Variants in CALN1 observed in about 807,000 individuals in gnomAD.
The protein encoded by CALN1 is calcium-binding protein 8.
A neutral mutation model predicts 30.6 loss-of-function variants in CALN1; 17 were observed. That is an observed-to-expected ratio of 0.56 (90% CI 0.38 to 0.83). CALN1 has a LOEUF of 0.83. CALN1 is among the 40% of genes least tolerant of loss of function. The pLI, the probability that CALN1 is intolerant of heterozygous loss-of-function variation, is 0.00. For missense variants in CALN1, 291 were observed against 354.9 expected (o/e 0.82, Z 1.45); for synonymous variants, 156 against 131.4 (o/e 1.19, Z -1.28).
intron 5 of CALN1, among the ~76,000 whole-genome samples, chr7:71,888,381 A>G (rs1005402444): frequency 6.6e-6 from 1 of 151,542 alleles, no homozygotes. Context: ...CTTGTGCACT[A>G]AAAGTGGGCG....
At chr7:71,824,076 C>A (rs1268765364) in intron 5 of CALN1, among the ~76,000 whole-genome samples, 2 of 152,110 alleles carry the variant, frequency 1.3e-5, no homozygotes, top group African/African-American at 2.4e-5. Context: ...GACACAGCCA[C>A]ACCATATCAT....
At chr7:71,931,367 G>C (rs1177289002) in intron 5 of CALN1, among the ~76,000 whole-genome samples, 1 of 152,088 alleles carries the variant, frequency 6.6e-6, no homozygotes, top group Admixed American at 6.5e-5. Flanking sequence ...CTGGCTTCAA[G>C]TGATTCTCTT....
intron 5 of CALN1, among the ~76,000 whole-genome samples, chr7:71,914,296 C>T (rs1794579754): frequency 6.6e-6 from 1 of 152,158 alleles, no homozygotes; most frequent in African/African-American, 2.4e-5. Context: ...TAAGTAAGAA[C>T]ATGCAGTATT....
At chr7:71,994,926 C>T (rs1301828156) in intron 5 of CALN1, among the ~76,000 whole-genome samples, 1 of 150,024 alleles carries the variant, frequency 6.7e-6, no homozygotes, top group African/African-American at 2.5e-5. Flanking sequence ...GATCTCAGCT[C>T]ACTGCAGGCT....
intron 3 of CALN1, among the ~76,000 whole-genome samples, chr7:72,241,059 T>C (rs1015282095): frequency 2.6e-5 from 4 of 152,228 alleles, no homozygotes; most frequent in African/African-American, 9.6e-5. Context: ...AAACTATCTT[T>C]GAACCATTTC....
At chr7:72,281,879 T>C (rs913566581) in intron 2 of CALN1, among the ~76,000 whole-genome samples, 1 of 152,156 alleles carries the variant, frequency 6.6e-6, no homozygotes, top group African/African-American at 2.4e-5. Flanking sequence ...TGTTGAGTAC[T>C]TTGCAGAGAA....
chr7:72,417,713 G>C (rs1807466879), intron 1 of CALN1, among the ~76,000 whole-genome samples: 1 of 152,216 alleles, frequency 6.6e-6, no homozygotes, highest in Non-Finnish European at 1.5e-5. Flanking sequence ...CAGAGGTTTT[G>C]AGAAAGAAGA....
At chr7:71,914,609 T>G (rs1241383390) in intron 5 of CALN1, among the ~76,000 whole-genome samples, 1 of 152,176 alleles carries the variant, frequency 6.6e-6, no homozygotes, top group Non-Finnish European at 1.5e-5. Context: ...CTTTAGGTCT[T>G]TGAGGAATCA....
intron 4 of CALN1, among the ~76,000 whole-genome samples, chr7:72,025,760 C>T (rs1425121719): frequency 2.0e-5 from 3 of 152,146 alleles, no homozygotes; most frequent in Admixed American, 6.6e-5. Flanking sequence ...AAGAGTTTGT[C>T]CAAATGCCCA....
At chr7:72,362,844 G>T (rs1803649781) in intron 2 of CALN1, among the ~76,000 whole-genome samples, 1 of 152,154 alleles carries the variant, frequency 6.6e-6, no homozygotes, top group Non-Finnish European at 1.5e-5. Flanking sequence ...CCTGGTGTCT[G>T]CCCCGAGCAG....
intron 5 of CALN1, among the ~76,000 whole-genome samples, chr7:71,908,551 C>T (rs1376352580): frequency 6.6e-6 from 1 of 152,070 alleles, no homozygotes; most frequent in Non-Finnish European, 1.5e-5. Context: ...CCAAAGTTCA[C>T]TGATTCACGA....
intron 4 of CALN1, among the ~76,000 whole-genome samples, chr7:72,055,198 A>G (rs1803174573): frequency 6.6e-6 from 1 of 152,010 alleles, no homozygotes; most frequent in African/African-American, 2.4e-5. Context: ...AAATCAGAAG[A>G]GCTTATGCTC....
At chr7:72,012,741 G>C (rs1800154859) in intron 5 of CALN1, among the ~76,000 whole-genome samples, 2 of 152,160 alleles carry the variant, frequency 1.3e-5, no homozygotes, top group Non-Finnish European at 1.5e-5. Context: ...TCTCCAGTGA[G>C]TTCTTTTCCT....
At chr7:72,294,779 A>AATAAATAC (rs1230069554) in intron 2 of CALN1, among the ~76,000 whole-genome samples, 1 of 146,164 alleles carries the variant, frequency 6.8e-6, no homozygotes, top group African/African-American at 2.5e-5. Flanking sequence ...TAAATAAATA[A>AATAAATAC]ATACAGATTT....
intron 2 of CALN1, among the ~76,000 whole-genome samples, chr7:72,366,249 A>G (rs1418530842): frequency 6.6e-6 from 1 of 151,688 alleles, no homozygotes; most frequent in Admixed American, 6.6e-5. Context: ...TCTCAGCTCA[A>G]TGCAACCTCC....
intron 2 of CALN1, among the ~76,000 whole-genome samples, chr7:72,311,941 A>G (rs1396717886): frequency 6.6e-6 from 1 of 152,112 alleles, no homozygotes; most frequent in African/African-American, 2.4e-5. Flanking sequence ...GATGGGAAAG[A>G]AGGAAGAGGA....
intron 3 of CALN1, among the ~76,000 whole-genome samples, chr7:72,254,415 C>T (rs1184951732): frequency 1.3e-5 from 2 of 152,166 alleles, no homozygotes; most frequent in African/African-American, 4.8e-5. Flanking sequence ...GAAAGAACAA[C>T]GTGATGCATG....
At chr7:72,239,526 TATC>T (rs1167816160) in intron 3 of CALN1, among the ~76,000 whole-genome samples, 9 of 152,176 alleles carry the variant, frequency 5.9e-5, no homozygotes, top group South Asian at 2.1e-4. Flanking sequence ...ACAGCATAAA[TATC>T]AACATATAAT....
In CALN1 at chr7:71,993,709, C is replaced by A. The variant is rs545527302; in HGVS notation, c.501+29948G>T. 2.0e-5 allele frequency among the ~76,000 whole-genome samples: 3 copies of A among 152,076 alleles called. No homozygotes were observed. The East Asian group carries it at 5.8e-4, about 30-fold the overall frequency. On this transcript the variant is annotated intron_variant, in intron 5 of 6. Coordinates refer to ENST00000395275, the MANE Select transcript of CALN1 (RefSeq NM_031468.4). ...TGGGCTCAAGTAATCCACCTGCCTT[C>A]GCCTCCCAAAGTGCTGGGATTACAG... is the stretch of plus-strand genomic sequence containing the variant.
Sources: gnomAD v4.1 joint callset for allele counts (sites outside exome capture counted in the v4.1 genomes callset) on GRCh38, gnomAD v4.1.1 for gene constraint, MANE v1.5 for transcripts, NCBI Gene and HGNC (gene_info 2026-07-23, HGNC 2026-07-21) for gene names.